GRID2: variants seen among roughly 807,000 people sequenced by gnomAD.
GRID2 encodes glutamate receptor ionotropic, delta-2.
GRID2 carries 33 observed loss-of-function variants against 114.8 expected under a neutral mutation model. The observed-to-expected ratio is 0.29, with a 90% CI of 0.22 to 0.38. GRID2 has a LOEUF of 0.38. Ranked by LOEUF, GRID2 falls within the 10% of genes least tolerant of loss-of-function variation. The probability of loss-of-function intolerance (pLI) is 1.00; values close to 1 mark genes in which losing one functional copy is unlikely to be tolerated. For synonymous variants in GRID2, 505 were observed against 449.9 expected (o/e 1.12, Z -1.55); for missense variants, 1,184 against 1,257.7 (o/e 0.94, Z 0.89).
Position 92,565,775 on chromosome 4 carries a change from G to C in GRID2, c.89-24356G>C, listed in dbSNP as rs1451310278. Among the ~76,000 whole-genome samples, 5 of 152,128 alleles carry C rather than the reference G, an allele frequency of 3.3e-5. No individual in the cohort carries two copies. In the South Asian group the frequency reaches 8.3e-4, roughly 25 times the overall value. On this transcript the variant is annotated intron_variant, in intron 1 of 15. Coordinates refer to ENST00000282020, the MANE Select transcript of GRID2 (RefSeq NM_001510.4). ...ATAAGCCCAGTACTAGTTGCTCTCA[G>C]ACACTAGTGAATAATTTATTACTGT...
Position 92,936,899 on chromosome 4 carries a change from A to G in GRID2, c.245-148096A>G, listed in dbSNP as rs1357934361. On this transcript the variant is annotated intron_variant, in intron 2 of 15. Transcript: ENST00000282020. ...TAGCCCCCATAGTTGGTATGAAGTG[A>G]TATGTTCTTTTAATTTGCATTTCCC... Among the ~76,000 whole-genome samples, 2 of 146,716 alleles carry G rather than the reference A, an allele frequency of 1.4e-5. 1 individual carries two copies. The highest frequency in any genetic ancestry group is 3.0e-5 in the Non-Finnish European group (2 of 66,270).
intron 8 of GRID2, among the ~76,000 whole-genome samples, chr4:93,301,774 T>C (rs1296362162): frequency 6.6e-6 from 1 of 152,208 alleles, no homozygotes; most frequent in East Asian, 1.9e-4. Context: ...CTATTTATTA[T>C]TGAATTAGAG....
chr4:93,653,289 C>T (rs909625368), intron 14 of GRID2, among the ~76,000 whole-genome samples: 1 of 152,168 alleles, frequency 6.6e-6, no homozygotes, highest in African/African-American at 2.4e-5. Flanking sequence ...GCTTAGTCTT[C>T]TCATAATAGC....
At chr4:93,511,326 A>T (rs994463109) in intron 12 of GRID2, among the ~76,000 whole-genome samples, 3 of 152,170 alleles carry the variant, frequency 2.0e-5, no homozygotes, top group African/African-American at 7.2e-5. Context: ...TTAAAAATTT[A>T]TTTTCACAGA....
rs572520979 is a variant in GRID2, at chr4:93,673,991, C to G, written c.2360+47556C>G. Among the ~76,000 whole-genome samples, 7 of 151,962 alleles carry G rather than the reference C, an allele frequency of 4.6e-5. No individual in the cohort carries two copies. In the South Asian group the frequency reaches 1.0e-3, roughly 23 times the overall value. On this transcript the variant is annotated intron_variant, in intron 14 of 15. Transcript: ENST00000282020. Reference sequence around the variant, plus strand: ...CTTCAACCCTGCTTTTTTTTTCAGACTCATGACTTTTGGCTTTATCTTCTT... The same window carrying G: ...CTTCAACCCTGCTTTTTTTTTCAGAGTCATGACTTTTGGCTTTATCTTCTT...
intron 1 of GRID2, among the ~76,000 whole-genome samples, chr4:92,482,700 A>C (rs911584813): frequency 2.5e-4 from 38 of 152,158 alleles, no homozygotes; most frequent in African/African-American, 8.2e-4. Flanking sequence ...TTGTTGCTCA[A>C]TTCTGGCTTG....
intron 13 of GRID2, among the ~76,000 whole-genome samples, chr4:93,606,666 T>C (rs1398715845): frequency 6.6e-6 from 1 of 152,204 alleles, no homozygotes; most frequent in Non-Finnish European, 1.5e-5. Flanking sequence ...TTTCTTCCAA[T>C]CTTCTTCCAT....
intron 13 of GRID2, among the ~76,000 whole-genome samples, chr4:93,546,797 C>T (rs1353755592): frequency 6.6e-6 from 1 of 152,002 alleles, no homozygotes; most frequent in South Asian, 2.1e-4. Context: ...TGGCTCTATT[C>T]TAATTTTTTT....
At chr4:92,413,472 A>T (rs753109795) in intron 1 of GRID2, among the ~76,000 whole-genome samples, 17 of 152,186 alleles carry the variant, frequency 1.1e-4, no homozygotes, top group Non-Finnish European at 2.4e-4. Flanking sequence ...TAACTATCCA[A>T]GTCAGTAGTA....
intron 10 of GRID2, among the ~76,000 whole-genome samples, chr4:93,436,706 G>T (rs1721117810): frequency 6.6e-6 from 1 of 152,054 alleles, no homozygotes; most frequent in Admixed American, 6.6e-5. Context: ...CAAACAAAAT[G>T]CTAGAAAATA....
At chr4:93,189,134 GTTAT>G (rs1202242132) in intron 4 of GRID2, among the ~76,000 whole-genome samples, 3 of 152,036 alleles carry the variant, frequency 2.0e-5, no homozygotes, top group African/African-American at 4.8e-5. Context: ...CACATTTTAA[GTTAT>G]TTGTTATAGC....
At chr4:92,529,350 GTCTTCCTAAAGGCTGTTTA>G (rs1490992883) in intron 1 of GRID2, among the ~76,000 whole-genome samples, 1 of 151,996 alleles carries the variant, frequency 6.6e-6, no homozygotes, top group African/African-American at 2.4e-5. Flanking sequence ...CAATCACAGA[GTCTTCCTAAAGGCTGTTTA>G]AGGGAACAAA....
intron 1 of GRID2, among the ~76,000 whole-genome samples, chr4:92,558,121 G>A (rs1726944897): frequency 1.3e-5 from 2 of 152,036 alleles, no homozygotes; most frequent in Non-Finnish European, 2.9e-5. Flanking sequence ...GTTCCTGTGA[G>A]GGAAGGTCGA....
At chr4:93,477,836 T>G (rs556358720) in intron 11 of GRID2, among the ~76,000 whole-genome samples, 1 of 152,224 alleles carries the variant, frequency 6.6e-6, no homozygotes, top group East Asian at 1.9e-4. Flanking sequence ...AGATAGAATT[T>G]ACAGAAAGGG....
intron 1 of GRID2, among the ~76,000 whole-genome samples, chr4:92,474,853 T>C (rs887910658): frequency 1.3e-5 from 2 of 151,630 alleles, no homozygotes; most frequent in African/African-American, 4.8e-5. Flanking sequence ...CCTGAGTTGT[T>C]TGACTTCCTA....
chr4:92,454,951 A>G (rs1721131224), intron 1 of GRID2, among the ~76,000 whole-genome samples: 1 of 152,220 alleles, frequency 6.6e-6, no homozygotes, highest in Non-Finnish European at 1.5e-5. Context: ...ATTTAAAAAA[A>G]ATTATTTCTA....
chr4:92,987,223 A>T (rs1560772252), intron 2 of GRID2, among the ~76,000 whole-genome samples: 2 of 151,816 alleles, frequency 1.3e-5, no homozygotes, highest in South Asian at 2.1e-4. Context: ...GACTGATAAA[A>T]TTTTTTTTTA....
chr4:93,053,002 A>C (rs781251638), intron 2 of GRID2, among the ~76,000 whole-genome samples: 1 of 151,898 alleles, frequency 6.6e-6, no homozygotes, highest in Non-Finnish European at 1.5e-5. Context: ...GCAGTGTCTC[A>C]CATATGTCAG....
intron 1 of GRID2, among the ~76,000 whole-genome samples, chr4:92,541,588 T>A (rs933521026): frequency 2.6e-5 from 4 of 152,118 alleles, no homozygotes; most frequent in Non-Finnish European, 5.9e-5. Context: ...AAATGAGGAT[T>A]AATACATGGG....
Sources: allele counts gnomAD v4.1 joint callset (sites outside exome capture counted in the v4.1 genomes callset), GRCh38; gene constraint gnomAD v4.1.1; transcripts MANE v1.5; gene names NCBI Gene and HGNC (gene_info 2026-07-23, HGNC 2026-07-21).